GPNMB: variants seen among roughly 807,000 people sequenced by gnomAD.
GPNMB encodes transmembrane glycoprotein NMB.
A neutral mutation model predicts 57.3 loss-of-function variants in GPNMB; 71 were observed. The observed-to-expected ratio is 1.24, with a 90% CI of 1.02 to 1.51. The LOEUF (loss-of-function observed/expected upper bound fraction) is 1.51, where lower values mean the gene tolerates loss of function less well. GPNMB is among the 40% of genes most tolerant of loss of function. GPNMB has a pLI of 0.00. For synonymous variants in GPNMB, 253 were observed against 263.2 expected (o/e 0.96, Z 0.38); for missense variants, 677 against 691.9 (o/e 0.98, Z 0.24).
intron 9 of GPNMB, among the ~76,000 whole-genome samples, chr7:23,271,095 C>T (rs903584940): frequency 3.3e-5 from 5 of 152,220 alleles, no homozygotes; most frequent in African/African-American, 1.2e-4. Context: ...AACTGTTCTA[C>T]CTCAGATCAT....
At chr7:23,259,505 A>G (rs1157117573) in intron 4 of GPNMB, among the ~76,000 whole-genome samples, 2 of 152,188 alleles carry the variant, frequency 1.3e-5, no homozygotes, top group Admixed American at 1.3e-4. Flanking sequence ...TTATATACAA[A>G]TACTATTAGG....
At chr7:23,249,149 T>C (rs920754366) in intron 1 of GPNMB, among the ~76,000 whole-genome samples, 1 of 152,218 alleles carries the variant, frequency 6.6e-6, no homozygotes, top group Non-Finnish European at 1.5e-5. Flanking sequence ...CTGGAACTCC[T>C]GGGCTCAGGC....
intron 6 of GPNMB, among the ~76,000 whole-genome samples, chr7:23,262,645 G>A (rs113403127): frequency 0.039 from 4,167 of 106,852 alleles, 220 homozygotes; most frequent in African/African-American, 0.13. Context: ...TTGAGACAGC[G>A]TCTTGCTCTA....
intron 5 of GPNMB, 32 bp from the exon 6 acceptor site, chr7:23,260,424 T>G: frequency 5.3e-6 from 8 of 1,515,374 alleles, no homozygotes; most frequent in Non-Finnish European, 6.3e-6. Context: ...CAATCATGCA[T>G]TCTTTATTTC....
At position 23,260,458 on chromosome 7, in the gene GPNMB, C is replaced by A; in HGVS notation, c.703C>A (p.Gln235Lys). ...TCTTTGGGGGATGTATCTTTTAGATCAGATTCCTGTGTTTGTGACTATGTT... is the reference window on the plus strand; with the variant it reads ...TCTTTGGGGGATGTATCTTTTAGATAAGATTCCTGTGTTTGTGACTATGTT... ...QVKDVYVVTD[Q>K]IPVFVTMFQK... The change falls in exon 6 of 11, where the codon CAG (glutamine) becomes AAG (lysine). Residue 235 changes from glutamine to lysine, a missense_variant and splice_region_variant. Gln to Lys is a moderately conservative substitution (Grantham distance 53, BLOSUM62 1). Transcript: ENST00000258733. 6.2e-7 allele frequency: 1 copy of A among 1,605,810 alleles called. No individual in the cohort carries two copies. The highest frequency in any genetic ancestry group is 8.5e-7 in the Non-Finnish European group (1 of 1,174,464).
chr7:23,270,197 T>C (rs1207402273), intron 9 of GPNMB, 22 bp downstream of exon 9: 1 of 1,494,952 alleles, frequency 6.7e-7, no homozygotes, highest in Admixed American at 1.7e-5. Flanking sequence ...TTTATGGCCA[T>C]ATGAGCATTT....
chr7:23,256,534 G>C (rs181344413), intron 3 of GPNMB, among the ~76,000 whole-genome samples: 42 of 152,018 alleles, frequency 2.8e-4, no homozygotes, highest in Admixed American at 3.3e-4. Flanking sequence ...AAGTGTGTCA[G>C]GAAAAAAACC....
rs1263342733 is a variant in GPNMB at position 23,274,832 on chromosome 7, A to G, written c.*608A>G. 2 of 152,212 alleles carry G rather than the reference A, an allele frequency of 1.3e-5. No individual in the cohort carries two copies. Among genetic ancestry groups the G allele is most frequent in the Non-Finnish European group, 2.9e-5 (2 of 68,054 alleles). The allele number at this position is 152,212 out of a possible 1,614,324, so 9.4% of individuals were successfully genotyped here. On this transcript the variant is annotated 3_prime_UTR_variant, in exon 11 of 11. Coordinates refer to ENST00000258733, the MANE Select transcript of GPNMB (RefSeq NM_002510.3). Reference sequence around the variant, plus strand: ...TTGGCTGAGTGAAGGAATGATATTCATATATTCATTTATTCCATGGACATT... The same window carrying G: ...TTGGCTGAGTGAAGGAATGATATTCGTATATTCATTTATTCCATGGACATT...
intron 9 of GPNMB, 105 bp from the exon 10 acceptor site, chr7:23,273,416 T>C (rs1783257228): frequency 2.7e-6 from 2 of 729,180 alleles, no homozygotes; most frequent in Middle Eastern, 2.4e-4. Flanking sequence ...GAGGGAGCCA[T>C]ATATCTTCTG....
At chr7:23,261,527 A>C (rs1782922702) in intron 6 of GPNMB, among the ~76,000 whole-genome samples, 1 of 152,194 alleles carries the variant, frequency 6.6e-6, no homozygotes, top group South Asian at 2.1e-4. Flanking sequence ...AAACTATCAC[A>C]AGGACAGAAA....
rs58011121 is a variant in GPNMB at position 23,262,608 on chromosome 7, C to CTTTTTTTTTT, written c.1018+1854_1018+1863dup. Among the ~76,000 whole-genome samples the CTTTTTTTTTT allele has an allele frequency of 3.2e-5, 2 of 62,800 alleles. 1 individual carries two copies. Among genetic ancestry groups the CTTTTTTTTTT allele is most frequent in the East Asian group, 1.2e-3 (2 of 1,624 alleles). 41.2% of individuals were successfully genotyped at this position (62,800 alleles called of 152,430 possible). A position where few individuals can be genotyped will look rare whatever the true frequency, so the allele number is the denominator to read the frequency against. On this transcript the variant is annotated intron_variant, in intron 6 of 10. Coordinates refer to ENST00000258733, the MANE Select transcript of GPNMB (RefSeq NM_002510.3). ...GTACTGTCATTTATTTCACCATTCTCTTTTTTTTTTTTTTTTTTTTTTTTT... is the reference window on the plus strand; with the variant it reads ...GTACTGTCATTTATTTCACCATTCTCTTTTTTTTTTTTTTTTTTTTTTTTTTTTTTTTTTT...
chr7:23,252,525 CTTA>C (rs1483946048), intron 1 of GPNMB, among the ~76,000 whole-genome samples: 5 of 152,174 alleles, frequency 3.3e-5, no homozygotes, highest in African/African-American at 1.2e-4. Flanking sequence ...AGCATCAATT[CTTA>C]TTGAGAAAAG....
intron 1 of GPNMB, among the ~76,000 whole-genome samples, chr7:23,250,304 T>C (rs1035267007): frequency 6.6e-6 from 1 of 152,168 alleles, no homozygotes; most frequent in Non-Finnish European, 1.5e-5. Flanking sequence ...CTGTTACGGG[T>C]TGTGTTCATG....
At chr7:23,268,010 G>C in intron 8 of GPNMB, 22 bp downstream of exon 8, 2 of 1,423,734 alleles carry the variant, frequency 1.4e-6, no homozygotes, top group Non-Finnish European at 1.9e-6. Flanking sequence ...ATCTCCGACA[G>C]AGGCATGGGT....
rs760405966 is a variant in GPNMB at position 23,269,944 on chromosome 7, C to T, written c.1221-23C>T. 6 of 1,591,388 alleles carry T rather than the reference C, an allele frequency of 3.8e-6. No individual in the cohort carries two copies. In the African/African-American group the frequency reaches 8.1e-5, roughly 21 times the overall value. Reference sequence around the variant, plus strand: ...TCCCCTTCTCTGTGCCCTGTGCGCCCTCGCCCACCTCCCCTGTCGCAGCAT... The same window carrying T: ...TCCCCTTCTCTGTGCCCTGTGCGCCTTCGCCCACCTCCCCTGTCGCAGCAT... On this transcript the variant is annotated intron_variant, in intron 8 of 10. Transcript: ENST00000258733.
intron 3 of GPNMB, 50 bp from the exon 4 acceptor site, chr7:23,256,842 G>C (rs1421563929): frequency 6.6e-7 from 1 of 1,506,762 alleles, no homozygotes; most frequent in East Asian, 2.3e-5. Flanking sequence ...ATGCACATTG[G>C]GTTTTCTGAG....
intron 1 of GPNMB, chr7:23,248,079 C>T (rs1212299495): frequency 1.3e-5 from 2 of 152,278 alleles, no homozygotes; most frequent in African/African-American, 4.8e-5. Flanking sequence ...CCCCGCCAGC[C>T]TAGGGGCTGG....
At chr7:23,260,329 G>A (rs548005467) in intron 5 of GPNMB, 127 bp from the exon 6 acceptor site, 3 of 1,039,612 alleles carry the variant, frequency 2.9e-6, no homozygotes, top group South Asian at 3.2e-5. Flanking sequence ...AAACTTGCAT[G>A]TGAAAAGGAA....
At chr7:23,251,368 G>A (rs10262243) in intron 1 of GPNMB, among the ~76,000 whole-genome samples, 55,049 of 152,076 alleles carry the variant, frequency 0.36, 10,271 homozygotes, top group Middle Eastern at 0.41. Flanking sequence ...TCTCCTCCAA[G>A]AGTCTATAGC....
Sources: allele counts gnomAD v4.1 joint callset (sites outside exome capture counted in the v4.1 genomes callset), GRCh38; gene constraint gnomAD v4.1.1; transcripts MANE v1.5; gene names NCBI Gene and HGNC (gene_info 2026-07-23, HGNC 2026-07-21).